Variants in MED27 observed in about 807,000 individuals in gnomAD.
MED27 encodes mediator complex subunit 27.
In MED27, 30 loss-of-function variants were observed where a neutral mutation model predicts 38.2. The ratio of observed to expected loss-of-function variants is 0.79; its 90% CI spans 0.59 to 1.07. The LOEUF is 1.07. Among genes scored for constraint, MED27 ranks in the 50% least tolerant of loss-of-function variants. The probability of loss-of-function intolerance (pLI) is 0.00; values close to 1 mark genes in which losing one functional copy is unlikely to be tolerated. For synonymous variants in MED27, 122 were observed against 153.5 expected, an observed-to-expected ratio of 0.79 and a Z score of 1.52; for missense variants, 289 against 397.5, an observed-to-expected ratio of 0.73 and a Z score of 2.32.
intron 2 of MED27, among the ~76,000 whole-genome samples, chr9:132,034,010 C>T (rs1267555363): frequency 3.3e-5 from 5 of 152,150 alleles, no homozygotes; most frequent in Admixed American, 3.3e-4. Flanking sequence ...GTGATCAGTA[C>T]TATTAATAAT....
chr9:131,931,707 G>C (rs1020892114), intron 4 of MED27, among the ~76,000 whole-genome samples: 7 of 152,248 alleles, frequency 4.6e-5, no homozygotes, highest in Non-Finnish European at 8.8e-5. Flanking sequence ...AGCAGGAGTA[G>C]CTATACTTAC....
chr9:132,015,794 C>T (rs556005880), intron 2 of MED27, among the ~76,000 whole-genome samples: 1 of 152,220 alleles, frequency 6.6e-6, no homozygotes, highest in South Asian at 2.1e-4. Context: ...TCATCAATAT[C>T]GCTATAATAA....
chr9:131,879,318 G>A (rs553592576), intron 6 of MED27, among the ~76,000 whole-genome samples: 15 of 152,320 alleles, frequency 9.8e-5, no homozygotes, highest in East Asian at 3.9e-4. Context: ...GGCACGGGTG[G>A]GGGGCGTGGC....
intron 4 of MED27, among the ~76,000 whole-genome samples, chr9:131,909,855 T>C (rs1264090911): frequency 6.6e-6 from 1 of 152,238 alleles, no homozygotes; most frequent in Non-Finnish European, 1.5e-5. Context: ...AACTTTTTTA[T>C]TTTGCTTCTA....
intron 3 of MED27, among the ~76,000 whole-genome samples, chr9:131,996,280 T>C (rs1832088473): frequency 1.3e-5 from 2 of 152,172 alleles, no homozygotes; most frequent in South Asian, 4.1e-4. Flanking sequence ...TGACCGTGAA[T>C]GAAGACATAG....
chr9:132,000,390 T>C (rs1321357959), intron 3 of MED27, among the ~76,000 whole-genome samples: 1 of 152,114 alleles, frequency 6.6e-6, no homozygotes, highest in Non-Finnish European at 1.5e-5. Flanking sequence ...GGAACTCTCA[T>C]ACCCTGCTGG....
At chr9:132,022,960 T>G (rs896507473) in intron 2 of MED27, among the ~76,000 whole-genome samples, 11 of 152,166 alleles carry the variant, frequency 7.2e-5, no homozygotes, top group African/African-American at 2.6e-4. Context: ...GGATTACAAT[T>G]AGAGATGAGA....
At chr9:132,015,440 G>T (rs1442425857) in intron 2 of MED27, among the ~76,000 whole-genome samples, 1 of 152,198 alleles carries the variant, frequency 6.6e-6, no homozygotes, top group Non-Finnish European at 1.5e-5. Flanking sequence ...AAAGAGAAAT[G>T]ATACTGCCCA....
At chr9:132,077,736 A>G in intron 1 of MED27, 150 bp from the exon 2 acceptor site, 3 of 733,300 alleles carry the variant, frequency 4.1e-6, no homozygotes, top group Non-Finnish European at 6.1e-6. Context: ...AATACTTGGG[A>G]CACTTAAAAA....
At chr9:132,047,599 CTATCTT>C (rs1016712389) in intron 2 of MED27, among the ~76,000 whole-genome samples, 2 of 151,920 alleles carry the variant, frequency 1.3e-5, no homozygotes, top group African/African-American at 4.8e-5. Flanking sequence ...TTCCGAGACT[CTATCTT>C]TAGGAAATAC....
At chr9:131,911,910 T>C (rs1359331981) in intron 4 of MED27, among the ~76,000 whole-genome samples, 3 of 152,188 alleles carry the variant, frequency 2.0e-5, no homozygotes, top group Non-Finnish European at 4.4e-5. Context: ...CTTTCTCTCC[T>C]GGTCAAACAC....
intron 6 of MED27, chr9:131,869,141 T>C: frequency 7.1e-6 from 7 of 985,336 alleles, no homozygotes; most frequent in Non-Finnish European, 8.4e-6. Flanking sequence ...CACCACCAAT[T>C]ACAGAAATAT....
Position 131,917,862 on chromosome 9 carries a change from TAGAC to T in MED27, c.573+21515_573+21518del, listed in dbSNP as rs1214104164. ...CATTTATCACTGACTAAAACTGAAT[TAGAC>T]AGCCTTAAAAAAATAAAAATAAAAA... On this transcript the variant is annotated intron_variant, in intron 4 of 7. Transcript: ENST00000292035. The surrounding 1 kb of genome is among the most constrained non-coding windows in gnomAD (Gnocchi z 4.6). Among the ~76,000 whole-genome samples, 1 of 152,072 alleles carries T rather than the reference TAGAC, an allele frequency of 6.6e-6. No individual in the cohort carries two copies. Among genetic ancestry groups the T allele is most frequent in the African/African-American group, 2.4e-5 (1 of 41,414 alleles).
intron 7 of MED27, 21 bp downstream of exon 7, chr9:131,863,042 C>T: frequency 6.2e-7 from 1 of 1,611,550 alleles, no homozygotes; most frequent in Non-Finnish European, 8.5e-7. Context: ...AACAGGAGAC[C>T]TGACTCTTGA....
chr9:132,077,396 A>C, intron 2 of MED27, 46 bp downstream of exon 2: 1 of 1,568,598 alleles, frequency 6.4e-7, no homozygotes. Flanking sequence ...AATATAAGAA[A>C]ACTTGGTTTT....
intron 2 of MED27, among the ~76,000 whole-genome samples, chr9:132,018,857 T>C (rs1832659422): frequency 6.6e-6 from 1 of 152,168 alleles, no homozygotes; most frequent in Non-Finnish European, 1.5e-5. Flanking sequence ...AAAGGCTTCT[T>C]TAAGGGTAAA....
intron 4 of MED27, among the ~76,000 whole-genome samples, chr9:131,931,277 T>G (rs532696841): frequency 7.2e-5 from 11 of 151,872 alleles, no homozygotes; most frequent in African/African-American, 2.7e-4. Flanking sequence ...ATATAAAGAA[T>G]GAATAAATAA....
chr9:132,068,939 A>G (rs1052903239), intron 2 of MED27, among the ~76,000 whole-genome samples: 1 of 152,230 alleles, frequency 6.6e-6, no homozygotes, highest in East Asian at 1.9e-4. Context: ...CTCCCAAACC[A>G]AACCACCATG....
chr9:131,990,428 A>T (rs7025683), intron 3 of MED27, among the ~76,000 whole-genome samples: 85,347 of 152,024 alleles, frequency 0.56, 26,004 homozygotes, highest in Non-Finnish European at 0.67. Flanking sequence ...CACTATTTAC[A>T]TGTTCACAAA....
Sources: allele counts gnomAD v4.1 joint callset (sites outside exome capture counted in the v4.1 genomes callset), GRCh38; gene constraint gnomAD v4.1.1; non-coding constraint Gnocchi (gnomAD v3.1); transcripts MANE v1.5; gene names NCBI Gene and HGNC (gene_info 2026-07-23, HGNC 2026-07-21).